The following MYO16 variants were observed in gnomAD, a reference collection of about 807,000 sequenced individuals.
MYO16 encodes unconventional myosin-XVI.
MYO16 carries 94 observed loss-of-function variants against 205.3 expected under a neutral mutation model. That is an observed-to-expected ratio of 0.46 (90% CI 0.39 to 0.54). The LOEUF (loss-of-function observed/expected upper bound fraction) is 0.54. Ranked by LOEUF, MYO16 falls within the 20% of genes least tolerant of loss-of-function variation. The pLI, the probability that MYO16 is intolerant of heterozygous loss-of-function variation, is 0.00. For missense variants in MYO16, 2,315 were observed against 2,387.5 expected (o/e 0.97, Z 0.63); for synonymous variants, 988 against 954.0 (o/e 1.04, Z -0.66).
chr13:108,871,590 G>T (rs921331502), intron 12 of MYO16, among the ~76,000 whole-genome samples: 1 of 152,128 alleles, frequency 6.6e-6, no homozygotes, highest in African/African-American at 2.4e-5. Flanking sequence ...AAAAAGTTGA[G>T]CCCCCTTACG....
chr13:108,731,615 C>T lies in MYO16; in HGVS notation c.507+4032C>T, dbSNP rs192222978. 1.3e-4 allele frequency among the ~76,000 whole-genome samples: 20 copies of T among 152,268 alleles called. 1 individual carries two copies. Among genetic ancestry groups the T allele is most frequent in the Admixed American group, 1.3e-4 (2 of 15,284 alleles). On this transcript the variant is annotated intron_variant, in intron 4 of 34. Coordinates refer to ENST00000457511, the MANE Select transcript of MYO16 (RefSeq NM_001198950.3). Reference sequence around the variant, plus strand: ...CAAATTATTAGCAATATTTTCATGGCTCAGCAATGTCCTGTTTCTCACAGT... The same window carrying T: ...CAAATTATTAGCAATATTTTCATGGTTCAGCAATGTCCTGTTTCTCACAGT...
chr13:108,559,016 T>G, the MYO16 span, among the ~76,000 whole-genome samples: 1 of 151,628 alleles, frequency 6.6e-6, no homozygotes, highest in Admixed American at 6.6e-5. Context: ...TGTAGATACA[T>G]TTCCTCAATA....
chr13:109,070,896 G>A (rs185085059), intron 27 of MYO16, among the ~76,000 whole-genome samples: 2 of 152,238 alleles, frequency 1.3e-5, no homozygotes, highest in East Asian at 3.9e-4. Context: ...ATGTTTAGGT[G>A]AGAAGCTATT....
chr13:108,636,076 T>C (rs1279650621), intron 1 of MYO16, among the ~76,000 whole-genome samples: 1 of 152,008 alleles, frequency 6.6e-6, no homozygotes, highest in East Asian at 1.9e-4. Context: ...GCATGCACAA[T>C]ACCTACTGAA....
At chr13:108,976,332 G>A (rs949388618) in intron 20 of MYO16, among the ~76,000 whole-genome samples, 1 of 152,086 alleles carries the variant, frequency 6.6e-6, no homozygotes, top group African/African-American at 2.4e-5. Flanking sequence ...AAGGACAGGA[G>A]ATATAATCTA....
At chr13:109,154,875 G>T (rs1215823528) in intron 32 of MYO16, among the ~76,000 whole-genome samples, 4 of 128,502 alleles carry the variant, frequency 3.1e-5, no homozygotes, top group Non-Finnish European at 6.3e-5. Context: ...GGCCAAGCAG[G>T]CATGTTGTTT....
Position 108,957,735 on chromosome 13 carries a change from C to T in MYO16, c.1973C>T (p.Ser658Phe). ...IQDDASTGER[S>F]LNREKLAVLK... ...GATGATGCATCCACAGGGGAGCGTT[C>T]TCTGAACAGGGAGAAATTGGCTGTT... The change falls in exon 17 of 35, where the codon TCT (serine) becomes TTT (phenylalanine). Residue 658 changes from serine (S) to phenylalanine (F), a missense_variant. Transcript: ENST00000457511. 6.2e-7 allele frequency: 1 copy of T among 1,613,602 alleles called. No homozygotes were observed. The highest frequency in any genetic ancestry group is 1.1e-5 in the South Asian group (1 of 91,044).
At chr13:108,578,023 C>G in the MYO16 span, among the ~76,000 whole-genome samples, 20 of 152,020 alleles carry the variant, frequency 1.3e-4, no homozygotes, top group Non-Finnish European at 2.9e-5. Flanking sequence ...ATGTTTTGAT[C>G]AAAAAATTAG....
chr13:109,028,370 GT>G, intron 23 of MYO16: 1 of 294,486 alleles, frequency 3.4e-6, no homozygotes, highest in Non-Finnish European at 6.7e-6. Flanking sequence ...AAAACAAAAT[GT>G]TTTAGTTTAT....
intron 9 of MYO16, among the ~76,000 whole-genome samples, chr13:108,823,632 T>C (rs1047705834): frequency 1.3e-5 from 2 of 152,134 alleles, no homozygotes; most frequent in Non-Finnish European, 2.9e-5. Context: ...TATATGTTTC[T>C]TTCTCTCATA....
At chr13:108,602,064 G>A (rs1878783459) in intron 1 of MYO16, among the ~76,000 whole-genome samples, 1 of 137,608 alleles carries the variant, frequency 7.3e-6, no homozygotes, top group African/African-American at 2.7e-5. Flanking sequence ...ACACACTAGA[G>A]TTTTCTCTCT....
chr13:109,100,275 A>G (rs1035540801), intron 27 of MYO16, among the ~76,000 whole-genome samples: 1 of 152,232 alleles, frequency 6.6e-6, no homozygotes, highest in South Asian at 2.1e-4. Context: ...ATGTCCCAGA[A>G]TATTTGAAAT....
At chr13:108,886,351 C>T (rs1047622147) in intron 13 of MYO16, 19 of 452,286 alleles carry the variant, frequency 4.2e-5, no homozygotes, top group Middle Eastern at 3.3e-4. Context: ...GAAAAAATAC[C>T]TCTTCATTCA....
chr13:108,961,773 T>C (rs1263480164), intron 18 of MYO16, 117 bp downstream of exon 18: 1 of 737,354 alleles, frequency 1.4e-6, no homozygotes, highest in Non-Finnish European at 2.3e-6. Context: ...TCCTCTATAG[T>C]AGAATTCAGT....
intron 10 of MYO16, among the ~76,000 whole-genome samples, chr13:108,849,410 A>G (rs1877706259): frequency 6.6e-6 from 1 of 151,986 alleles, no homozygotes; most frequent in Non-Finnish European, 1.5e-5. Flanking sequence ...AGGCTGGTCT[A>G]GAACTCCTGA....
At position 108,629,893 on chromosome 13, in the gene MYO16, G is replaced by C. The variant is rs897641130; in HGVS notation, c.28+21G>C. On this transcript the variant is annotated intron_variant, in intron 1 of 34. Coordinates refer to ENST00000457511, the MANE Select transcript of MYO16 (RefSeq NM_001198950.3). ...GTGCTGTAAGTAAGCTTGATATCTT[G>C]CTCATGTGGTTATTTGTCTTGTTGA... The C allele has an allele frequency of 1.7e-5, 26 of 1,516,646 alleles. No homozygotes were observed. The African/African-American group carries it at 2.5e-4, about 14-fold the overall frequency. The allele number at this position is 1,516,646 out of a possible 1,614,324, so 93.9% of individuals were successfully genotyped here.
chr13:109,000,575 A>T (rs1885180417), intron 21 of MYO16, among the ~76,000 whole-genome samples: 1 of 152,218 alleles, frequency 6.6e-6, no homozygotes, highest in Admixed American at 6.5e-5. Flanking sequence ...TTATATGAAA[A>T]AAGAAAGCAT....
the MYO16 span, among the ~76,000 whole-genome samples, chr13:108,553,819 C>T: frequency 6.6e-6 from 1 of 152,160 alleles, no homozygotes; most frequent in South Asian, 2.1e-4. Context: ...TTCTCAGCTC[C>T]CACCTGGGGT....
intron 22 of MYO16, among the ~76,000 whole-genome samples, chr13:109,018,796 T>G (rs1449891945): frequency 6.6e-6 from 1 of 152,134 alleles, no homozygotes; most frequent in Non-Finnish European, 1.5e-5. Flanking sequence ...GATGCCCCGC[T>G]CTGCTTCAGC....
Sources: gnomAD v4.1 joint callset for allele counts (sites outside exome capture counted in the v4.1 genomes callset) on GRCh38, gnomAD v4.1.1 for gene constraint, MANE v1.5 for transcripts, NCBI Gene and HGNC (gene_info 2026-07-23, HGNC 2026-07-21) for gene names.